The following TYW1B variants were observed in gnomAD, a reference collection of about 807,000 sequenced individuals.
TYW1B encodes the protein tRNA-yW synthesizing protein 1 homolog B, also known as S-adenosyl-L-methionine-dependent tRNA 4-demethylwyosine synthase TYW1B.
Under a neutral mutation model 86.9 loss-of-function variants are expected in TYW1B, and 73 were observed. The ratio of observed to expected loss-of-function variants is 0.84; its 90% CI spans 0.70 to 1.02. TYW1B has a LOEUF of 1.02. TYW1B is among the 50% of genes least tolerant of loss of function. The pLI is 0.00. For missense variants in TYW1B, 637 were observed against 827.4 expected, an observed-to-expected ratio of 0.77 and a Z score of 2.82; for synonymous variants, 248 against 292.8, an observed-to-expected ratio of 0.85 and a Z score of 1.56.
intron 11 of TYW1B, among the ~76,000 whole-genome samples, chr7:72,646,259 C>T (rs1812928102): frequency 1.3e-5 from 2 of 151,848 alleles, no homozygotes; most frequent in Non-Finnish European, 2.9e-5. Flanking sequence ...GATGGGGTGT[C>T]GCTATATTGC....
intron 7 of TYW1B, among the ~76,000 whole-genome samples, chr7:72,756,123 T>G (rs1453457624): frequency 6.6e-6 from 1 of 152,172 alleles, no homozygotes; most frequent in Non-Finnish European, 1.5e-5. Context: ...TAGAAATGTT[T>G]AAGAACAGTA....
chr7:72,822,268 A>T (rs1788843805), intron 2 of TYW1B, among the ~76,000 whole-genome samples: 4 of 151,906 alleles, frequency 2.6e-5, no homozygotes, highest in Admixed American at 1.3e-4. Context: ...ACGATCCAAA[A>T]GGTAGAACAT....
chr7:72,710,840 C>CT (rs1283842061), intron 10 of TYW1B, among the ~76,000 whole-genome samples: 3 of 152,174 alleles, frequency 2.0e-5, no homozygotes, highest in Non-Finnish European at 4.4e-5. Context: ...CAAGCTGACT[C>CT]TGTGTGTGCG....
intron 6 of TYW1B, among the ~76,000 whole-genome samples, chr7:72,786,435 T>C (rs1284805679): frequency 6.6e-6 from 1 of 152,144 alleles, no homozygotes; most frequent in Non-Finnish European, 1.5e-5. Flanking sequence ...ATAATGTACA[T>C]GGATGTCTGA....
intron 5 of TYW1B, among the ~76,000 whole-genome samples, chr7:72,806,828 A>G (rs1247083703): frequency 4.0e-5 from 6 of 151,676 alleles, no homozygotes; most frequent in Non-Finnish European, 8.8e-5. Context: ...ATTTAAAATT[A>G]TTGTGGTAAA....
intron 13 of TYW1B, among the ~76,000 whole-genome samples, chr7:72,578,218 A>G (rs1811072312): frequency 6.8e-6 from 1 of 147,044 alleles, no homozygotes; most frequent in South Asian, 2.1e-4. Flanking sequence ...GGTTCTTGCC[A>G]TTCTCCTGCC....
At chr7:72,630,296 G>T (rs544410962) in intron 11 of TYW1B, among the ~76,000 whole-genome samples, 40 of 152,140 alleles carry the variant, frequency 2.6e-4, no homozygotes, top group East Asian at 2.5e-3. Flanking sequence ...AAAATAATAA[G>T]AAGAATGGCT....
chr7:72,809,922 C>T (rs193254437), intron 4 of TYW1B, among the ~76,000 whole-genome samples: 295 of 148,306 alleles, frequency 2.0e-3, no homozygotes, highest in Non-Finnish European at 3.2e-3. Context: ...ATCACTTGAA[C>T]GCAGGAGGCG....
At chr7:72,816,266 C>T (rs1788719664) in intron 2 of TYW1B, among the ~76,000 whole-genome samples, 1 of 152,030 alleles carries the variant, frequency 6.6e-6, no homozygotes, top group Admixed American at 6.6e-5. Context: ...ATCCCAGCTA[C>T]TCGGGAGGCT....
chr7:72,788,879 G>A (rs1465811884), intron 6 of TYW1B, among the ~76,000 whole-genome samples: 1 of 151,928 alleles, frequency 6.6e-6, no homozygotes, highest in Non-Finnish European at 1.5e-5. Flanking sequence ...TGTCCAGGCT[G>A]GAGTGCAGTG....
At chr7:72,693,731 G>C (rs546282254) in intron 11 of TYW1B, among the ~76,000 whole-genome samples, 1 of 152,004 alleles carries the variant, frequency 6.6e-6, no homozygotes, top group South Asian at 2.1e-4. Flanking sequence ...CGTACAGTCG[G>C]TCCTTCATAT....
intron 13 of TYW1B, among the ~76,000 whole-genome samples, chr7:72,595,913 C>T (rs532654012): frequency 1.3e-5 from 2 of 151,988 alleles, no homozygotes; most frequent in South Asian, 2.1e-4. Flanking sequence ...CGGTGGCTCA[C>T]ACCTGTAATC....
intron 6 of TYW1B, among the ~76,000 whole-genome samples, chr7:72,781,941 G>A (rs1170267743): frequency 6.6e-6 from 1 of 152,026 alleles, no homozygotes; most frequent in East Asian, 1.9e-4. Flanking sequence ...TAGAATAACA[G>A]GTATAAAGCA....
chr7:72,658,614 T>C (rs1322250585), intron 11 of TYW1B, among the ~76,000 whole-genome samples: 2 of 152,168 alleles, frequency 1.3e-5, no homozygotes, highest in Non-Finnish European at 2.9e-5. Context: ...ATAAAGTAAT[T>C]ATTTTCCTTA....
Position 72,744,583 on chromosome 7 carries a change from C to T in TYW1B, c.983G>A (p.Arg328Lys), listed in dbSNP as rs781841676. The T allele has an allele frequency of 5.6e-6, 9 of 1,613,858 alleles. No individual in the cohort carries two copies. The African/African-American group carries it at 9.3e-5, about 17-fold the overall frequency. ...LTKQVDAPRE[R>K]SLLQTHILWN... Reference sequence around the variant, plus strand: ...TAGAATGTGTGTTTGTAACAAGCTCCTCTCCCTCGGAGCATCGACTATGAC... The same window carrying T: ...TAGAATGTGTGTTTGTAACAAGCTCTTCTCCCTCGGAGCATCGACTATGAC... Residue 328 changes from arginine to lysine, a missense_variant, in exon 8 of 14, where the codon AGG becomes AAG. By Grantham distance (26) the Arg-to-Lys change is conservative. Coordinates refer to ENST00000620995, the MANE Select transcript of TYW1B (RefSeq NM_001145440.3).
At chr7:72,707,487 A>G (rs190643486) in intron 10 of TYW1B, among the ~76,000 whole-genome samples, 2 of 152,378 alleles carry the variant, frequency 1.3e-5, no homozygotes, top group African/African-American at 4.8e-5. Context: ...ATATTAAAAT[A>G]TATCAGTACC....
intron 13 of TYW1B, among the ~76,000 whole-genome samples, chr7:72,607,310 T>C (rs1476185052): frequency 6.7e-6 from 1 of 149,958 alleles, no homozygotes; most frequent in Non-Finnish European, 1.5e-5. Context: ...GGAGAATCAC[T>C]TGAACTCAGA....
intron 11 of TYW1B, among the ~76,000 whole-genome samples, chr7:72,667,953 A>T (rs1813508518): frequency 2.0e-5 from 3 of 152,146 alleles, no homozygotes; most frequent in African/African-American, 7.2e-5. Context: ...TTCAAGCCAT[A>T]ATTTACTCAA....
rs1563038517 is a variant in TYW1B, at chr7:72,632,336, C to CAT, written c.1507-3340_1507-3339insAT. On this transcript the variant is annotated intron_variant, in intron 11 of 13. Coordinates refer to ENST00000620995, the MANE Select transcript of TYW1B (RefSeq NM_001145440.3). ...ATTATATATATTATATATATATACACGTATATATATTATATATATTATATA... is the reference window on the plus strand; with the variant it reads ...ATTATATATATTATATATATATACACATGTATATATATTATATATATTATATA... 5.3e-5 allele frequency among the ~76,000 whole-genome samples: 4 copies of CAT among 75,896 alleles called. No individual in the cohort carries two copies. The East Asian group carries it at 1.2e-3, about 23-fold the overall frequency. 49.8% of individuals were successfully genotyped at this position (75,896 alleles called of 152,430 possible).
Sources: gnomAD v4.1 joint callset for allele counts (sites outside exome capture counted in the v4.1 genomes callset) on GRCh38, gnomAD v4.1.1 for gene constraint, MANE v1.5 for transcripts, NCBI Gene and HGNC (gene_info 2026-07-23, HGNC 2026-07-21) for gene names.